Variants in INPP4A observed in about 807,000 individuals in gnomAD.
INPP4A encodes the protein inositol polyphosphate-4-phosphatase type I A.
In INPP4A, 33 loss-of-function variants were observed where a neutral mutation model predicts 119.8. The observed-to-expected ratio is 0.28, with a 90% CI of 0.21 to 0.37. The LOEUF (loss-of-function observed/expected upper bound fraction) is 0.37. Ranked by LOEUF, INPP4A falls within the 10% of genes least tolerant of loss-of-function variation. The pLI is 1.00. For synonymous variants in INPP4A, 496 were observed against 500.7 expected (o/e 0.99, Z 0.12); for missense variants, 956 against 1,289.9 (o/e 0.74, Z 3.97).
In INPP4A at chr2:98,563,453, C is replaced by A. The variant is rs750950779; in HGVS notation, c.1856-12C>A. On this transcript the variant is annotated splice_polypyrimidine_tract_variant and intron_variant, in intron 17 of 24. Transcript: ENST00000409851. The stretch of plus-strand genomic sequence containing the variant: ...CTCTCTCATTGTGATGACCCCTTCG[C>A]TTGTGCCCCAGGTGAATGGAGTGAG... 6.2e-7 allele frequency: 1 copy of A among 1,610,074 alleles called. No homozygotes were observed. Among genetic ancestry groups the A allele is most frequent in the Non-Finnish European group, 8.5e-7 (1 of 1,177,778 alleles).
At chr2:98,506,113 A>G (rs1042870120) in intron 1 of INPP4A, among the ~76,000 whole-genome samples, 5 of 151,984 alleles carry the variant, frequency 3.3e-5, no homozygotes, top group African/African-American at 9.7e-5. Context: ...GTGTTGCTTG[A>G]TGGGAAAAGC....
chr2:98,523,657 G>C (rs2105789416), intron 4 of INPP4A, among the ~76,000 whole-genome samples: 1 of 152,288 alleles, frequency 6.6e-6, no homozygotes, highest in Middle Eastern at 3.4e-3. Flanking sequence ...GCCTCCCAAA[G>C]TGCTGGGATT....
intron 17 of INPP4A, 126 bp from the exon 18 acceptor site, chr2:98,563,339 A>G: frequency 1.1e-6 from 1 of 881,072 alleles, no homozygotes; most frequent in Non-Finnish European, 1.8e-6. Flanking sequence ...CAGAGCTGGA[A>G]GATGAGGTGG....
At chr2:98,519,689 T>TATAC (rs1361164390) in intron 2 of INPP4A, 9 of 223,566 alleles carry the variant, frequency 4.0e-5, no homozygotes, top group Non-Finnish European at 6.2e-5. Flanking sequence ...ATGAAAACCA[T>TATAC]CATTCACTGT....
chr2:98,573,949 A>C (rs780837502), intron 23 of INPP4A, among the ~76,000 whole-genome samples: 2 of 152,226 alleles, frequency 1.3e-5, no homozygotes, highest in Non-Finnish European at 2.9e-5. Context: ...TCAGCTGGTC[A>C]GACTTTATCT....
chr2:98,486,852 G>A (rs1339127309), intron 1 of INPP4A, among the ~76,000 whole-genome samples: 2 of 152,234 alleles, frequency 1.3e-5, no homozygotes, highest in African/African-American at 4.8e-5. Context: ...CCAGTGACAG[G>A]GGCGGGCAAG....
chr2:98,586,793 G>C (rs1244175759), intron 24 of INPP4A, among the ~76,000 whole-genome samples: 1 of 152,198 alleles, frequency 6.6e-6, no homozygotes, highest in Non-Finnish European at 1.5e-5. Context: ...GAACACATGG[G>C]GGCAGCCCAC....
At chr2:98,489,947 A>C (rs753647459) in intron 1 of INPP4A, among the ~76,000 whole-genome samples, 10 of 141,758 alleles carry the variant, frequency 7.1e-5, no homozygotes, top group Non-Finnish European at 1.5e-4. Flanking sequence ...TGTAGGATCC[A>C]AGTGCTTGTG....
At chr2:98,536,073 T>A (rs1239222673) in intron 6 of INPP4A, 56 bp from the exon 7 acceptor site, 7 of 1,114,570 alleles carry the variant, frequency 6.3e-6, no homozygotes, top group Admixed American at 3.7e-5. Flanking sequence ...CCATGGTAAT[T>A]GCATCAGAAG....
At position 98,587,950 on chromosome 2, in the gene INPP4A, C is replaced by T; in HGVS notation, c.*342C>T. The T allele has an allele frequency of 4.2e-6, 1 of 240,096 alleles. No homozygotes were observed. The highest frequency in any genetic ancestry group is 1.8e-4 in the South Asian group (1 of 5,686). 14.9% of individuals were successfully genotyped at this position (240,096 alleles called of 1,614,324 possible). ...AATGCTAGAAGACTTTTTCAAATGC[C>T]TGCTTGCTCACTTACTTTTCTACAG... On this transcript the variant is annotated 3_prime_UTR_variant, in exon 25 of 25. Coordinates refer to ENST00000409851, the MANE Select transcript of INPP4A (RefSeq NM_001134225.2).
intron 4 of INPP4A, among the ~76,000 whole-genome samples, chr2:98,522,055 A>G (rs1687295349): frequency 6.6e-6 from 1 of 152,212 alleles, no homozygotes; most frequent in Non-Finnish European, 1.5e-5. Flanking sequence ...TGGGAGGCCA[A>G]GGTGGGCGGA....
intron 22 of INPP4A, among the ~76,000 whole-genome samples, chr2:98,572,394 C>T (rs1037456875): frequency 1.3e-5 from 2 of 152,250 alleles, no homozygotes; most frequent in Non-Finnish European, 2.9e-5. Flanking sequence ...TTCCTGATCC[C>T]TCCCAAGGTT....
chr2:98,499,719 G>A (rs7585045), intron 1 of INPP4A, among the ~76,000 whole-genome samples: 2,425 of 152,316 alleles, frequency 0.016, 81 homozygotes, highest in African/African-American at 0.055. Flanking sequence ...GACAAATTGA[G>A]TGGAAAGTAC....
At chr2:98,543,805 G>A (rs772800836) in intron 10 of INPP4A, 72 bp from the exon 11 acceptor site, 2 of 1,581,034 alleles carry the variant, frequency 1.3e-6, no homozygotes, top group East Asian at 2.3e-5. Flanking sequence ...CTGTTGTCCT[G>A]GGTAGACCTC....
At chr2:98,587,250 A>G (rs1700046725) in intron 24 of INPP4A, among the ~76,000 whole-genome samples, 1 of 152,216 alleles carries the variant, frequency 6.6e-6, no homozygotes, top group South Asian at 2.1e-4. Context: ...TTAGGAACGC[A>G]CAACTCACAG....
intron 1 of INPP4A, among the ~76,000 whole-genome samples, chr2:98,469,805 AAAC>A (rs370539312): frequency 1.8e-4 from 28 of 152,068 alleles, no homozygotes; most frequent in African/African-American, 4.3e-4. Flanking sequence ...ATTCCGTCTC[AAAC>A]AACAACAACA....
At chr2:98,486,187 C>G (rs1679502376) in intron 1 of INPP4A, among the ~76,000 whole-genome samples, 1 of 152,172 alleles carries the variant, frequency 6.6e-6, no homozygotes, top group African/African-American at 2.4e-5. Flanking sequence ...CTAATTGATG[C>G]TCTTTCCTGG....
At chr2:98,545,506 G>A (rs1692313505) in intron 11 of INPP4A, among the ~76,000 whole-genome samples, 1 of 152,202 alleles carries the variant, frequency 6.6e-6, no homozygotes, top group African/African-American at 2.4e-5. Flanking sequence ...ACTTTCGAGA[G>A]TTGAGATGTA....
chr2:98,539,756 A>G, intron 10 of INPP4A, 81 bp downstream of exon 10: 1 of 1,417,422 alleles, frequency 7.1e-7, no homozygotes, highest in Non-Finnish European at 9.5e-7. Context: ...CGGGCAGAGC[A>G]CTGGCATCAG....
Sources: gnomAD v4.1 joint callset for allele counts (sites outside exome capture counted in the v4.1 genomes callset) on GRCh38, gnomAD v4.1.1 for gene constraint, MANE v1.5 for transcripts, NCBI Gene and HGNC (gene_info 2026-07-23, HGNC 2026-07-21) for gene names.